Variants in DYRK1A observed in about 807,000 individuals in gnomAD.
The protein encoded by DYRK1A is dual specificity tyrosine-phosphorylation-regulated kinase 1A.
A neutral mutation model predicts 79.7 loss-of-function variants in DYRK1A; 9 were observed. The observed-to-expected ratio is 0.11, with a 90% CI of 0.07 to 0.20. The LOEUF is 0.20. Among genes scored for constraint, DYRK1A ranks in the 10% least tolerant of loss-of-function variants. The pLI, the probability that DYRK1A is intolerant of heterozygous loss-of-function variation, is 1.00. For synonymous variants in DYRK1A, 349 were observed against 329.7 expected (o/e 1.06, Z -0.63); for missense variants, 622 against 956.0 (o/e 0.65, Z 4.61).
At chr21:37,407,918 G>A (rs1398860620) in intron 1 of DYRK1A, among the ~76,000 whole-genome samples, 1 of 152,054 alleles carries the variant, frequency 6.6e-6, no homozygotes, top group African/African-American at 2.4e-5. Context: ...CTCAAAACTA[G>A]CTGATGACAT....
intron 11 of DYRK1A, among the ~76,000 whole-genome samples, chr21:37,509,326 G>C (rs983704431): frequency 2.0e-5 from 3 of 152,080 alleles, no homozygotes; most frequent in African/African-American, 4.8e-5. Context: ...ATATATTTTG[G>C]AGCACTTTCT....
chr21:37,446,240 A>G (rs2051266956), intron 2 of DYRK1A, among the ~76,000 whole-genome samples: 1 of 152,190 alleles, frequency 6.6e-6, no homozygotes. Flanking sequence ...TTTGCATGTA[A>G]TGGATTACAT....
intron 1 of DYRK1A, among the ~76,000 whole-genome samples, chr21:37,389,712 C>A (rs1337018943): frequency 6.6e-6 from 1 of 151,950 alleles, no homozygotes. Context: ...GAGGGTGAGG[C>A]TTGTTCGCTG....
At chr21:37,413,726 A>C (rs185769909) in intron 1 of DYRK1A, among the ~76,000 whole-genome samples, 1 of 152,134 alleles carries the variant, frequency 6.6e-6, no homozygotes, top group East Asian at 1.9e-4. Context: ...TCATTGGGCC[A>C]CCTCTTCTAA....
chr21:37,402,419 T>C (rs567100971), intron 1 of DYRK1A, among the ~76,000 whole-genome samples: 10 of 152,352 alleles, frequency 6.6e-5, no homozygotes, highest in African/African-American at 2.4e-4. Context: ...TTTAGCACTT[T>C]AATGGTGTTC....
intron 2 of DYRK1A, among the ~76,000 whole-genome samples, chr21:37,431,429 A>G (rs970953242): frequency 7.2e-5 from 11 of 152,198 alleles, no homozygotes; most frequent in Non-Finnish European, 1.0e-4. Flanking sequence ...GAAGTTGCCC[A>G]TTGGAGATGA....
chr21:37,417,536 T>TTTTCTTTTTCTTTTTTTTTC (rs1569304627), intron 1 of DYRK1A, among the ~76,000 whole-genome samples: 39 of 105,096 alleles, frequency 3.7e-4, no homozygotes, highest in African/African-American at 1.3e-3. Context: ...TTTCTTTTTT[T>TTTTCTTTTTCTTTTTTTTTC]TTTTTTTTTT....
intron 2 of DYRK1A, among the ~76,000 whole-genome samples, chr21:37,427,680 G>A (rs2148445287): frequency 6.6e-6 from 1 of 152,214 alleles, no homozygotes; most frequent in East Asian, 1.9e-4. Flanking sequence ...ACATTTTAAA[G>A]CCTTTTGATA....
chr21:37,387,813 A>G (rs887339872), intron 1 of DYRK1A, among the ~76,000 whole-genome samples: 3 of 152,234 alleles, frequency 2.0e-5, no homozygotes, highest in African/African-American at 7.2e-5. Context: ...TTGACTGGGT[A>G]TAGAAATGGA....
At chr21:37,419,151 A>G (rs571717977) in intron 1 of DYRK1A, 40 of 152,334 alleles carry the variant, frequency 2.6e-4, no homozygotes, top group African/African-American at 8.9e-4. Flanking sequence ...TGGTTGTTGG[A>G]AATTGCAAAT....
rs149046084 is a variant in DYRK1A at position 37,457,013 on chromosome 21, T to TTTACTTACTTAC, written c.11-15655_11-15644dup. 6.7e-3 allele frequency among the ~76,000 whole-genome samples: 946 copies of TTTACTTACTTAC among 141,252 alleles called. 5 individuals carry two copies. The highest frequency in any genetic ancestry group is 0.023 in the South Asian group (100 of 4,286). 92.7% of individuals were successfully genotyped at this position (141,252 alleles called of 152,430 possible). A position where few individuals can be genotyped will look rare whatever the true frequency, so the allele number is the denominator to read the frequency against. On this transcript the variant is annotated intron_variant, in intron 2 of 11. Coordinates refer to ENST00000647188, the MANE Select transcript of DYRK1A (RefSeq NM_001347721.2). Reference sequence around the variant, plus strand: ...ATTTGCTTGAGAGGTAAAAAGAAAATTTACTTACTTACTTACTTACTTACT... The same window carrying TTTACTTACTTAC: ...ATTTGCTTGAGAGGTAAAAAGAAAATTTACTTACTTACTTACTTACTTACTTACTTACTTACT...
intron 6 of DYRK1A, chr21:37,488,840 C>CTA: frequency 1.0e-6 from 1 of 985,256 alleles, no homozygotes; most frequent in Non-Finnish European, 1.2e-6. Flanking sequence ...AGATTAAAAG[C>CTA]CATCCACAGA....
intron 2 of DYRK1A, among the ~76,000 whole-genome samples, chr21:37,448,029 C>T (rs2051327765): frequency 6.6e-6 from 1 of 152,150 alleles, no homozygotes; most frequent in African/African-American, 2.4e-5. Context: ...GAGTTTTTCC[C>T]CCTCTGAGTA....
intron 2 of DYRK1A, among the ~76,000 whole-genome samples, chr21:37,431,974 G>C (rs993105695): frequency 1.3e-5 from 2 of 152,096 alleles, no homozygotes; most frequent in Non-Finnish European, 2.9e-5. Flanking sequence ...TTGTTGTCTG[G>C]ATAAGTACAG....
intron 2 of DYRK1A, among the ~76,000 whole-genome samples, chr21:37,443,385 C>T (rs1000603544): frequency 2.6e-5 from 4 of 152,152 alleles, no homozygotes; most frequent in African/African-American, 9.7e-5. Context: ...ATTGATTTCC[C>T]CCACCCGTAT....
chr21:37,365,963 C>G (rs1412994104), upstream of DYRK1A: 1 of 152,146 alleles, frequency 6.6e-6, no homozygotes, highest in African/African-American at 2.4e-5. Context: ...GCGGCCCGAC[C>G]GGAGCCAGGT....
At chr21:37,368,511 A>G (rs2049363984) in intron 1 of DYRK1A, among the ~76,000 whole-genome samples, 1 of 152,222 alleles carries the variant, frequency 6.6e-6, no homozygotes, top group African/African-American at 2.4e-5. Context: ...CACGAATCCC[A>G]TAATCTGGGC....
intron 2 of DYRK1A, among the ~76,000 whole-genome samples, chr21:37,425,169 TC>T (rs1352174243): frequency 6.6e-6 from 1 of 152,202 alleles, no homozygotes; most frequent in Non-Finnish European, 1.5e-5. Context: ...GTCCGATAGT[TC>T]CTGAAGGTCA....
intron 4 of DYRK1A, among the ~76,000 whole-genome samples, chr21:37,478,513 T>C (rs950923004): frequency 2.0e-5 from 3 of 151,974 alleles, no homozygotes; most frequent in Non-Finnish European, 4.4e-5. Flanking sequence ...GATAACTTGA[T>C]TTTTTTAAGG....
Sources: gnomAD v4.1 joint callset for allele counts (sites outside exome capture counted in the v4.1 genomes callset) on GRCh38, gnomAD v4.1.1 for gene constraint, MANE v1.5 for transcripts, NCBI Gene and HGNC (gene_info 2026-07-23, HGNC 2026-07-21) for gene names.